EBF3: variants seen among roughly 807,000 people sequenced by gnomAD.
The protein encoded by EBF3 is transcription factor COE3.
In EBF3, 18 loss-of-function variants were observed where a neutral mutation model predicts 77.1. That is an observed-to-expected ratio of 0.23 (90% CI 0.16 to 0.35). The LOEUF (loss-of-function observed/expected upper bound fraction) is 0.35. Ranked by LOEUF, EBF3 falls within the 10% of genes least tolerant of loss-of-function variation. The pLI, the probability that EBF3 is intolerant of heterozygous loss-of-function variation, is 1.00. For synonymous variants in EBF3, 350 were observed against 343.5 expected (o/e 1.02, Z -0.21); for missense variants, 558 against 860.0 (o/e 0.65, Z 4.39).
intron 6 of EBF3, among the ~76,000 whole-genome samples, chr10:129,910,151 T>G (rs1855428134): frequency 6.6e-6 from 1 of 152,202 alleles, no homozygotes; most frequent in Non-Finnish European, 1.5e-5. Flanking sequence ...AGGGGCCATG[T>G]GGGGCAGACA....
In EBF3 at chr10:129,918,317, T is replaced by C. The variant is rs1856031243; in HGVS notation, c.554+38941A>G. On this transcript the variant is annotated intron_variant, in intron 6 of 16. Coordinates refer to ENST00000440978, the MANE Select transcript of EBF3 (RefSeq NM_001375380.1). ...CCAAGACCCCACTTCTGTCTCATTCTCCATGCCCCACACATTTCACTGAAG... is the reference window on the plus strand; with the variant it reads ...CCAAGACCCCACTTCTGTCTCATTCCCCATGCCCCACACATTTCACTGAAG... Among the ~76,000 whole-genome samples, 7 of 152,310 alleles carry C rather than the reference T, an allele frequency of 4.6e-5. No individual in the cohort carries two copies. In the South Asian group the frequency reaches 1.4e-3, roughly 32 times the overall value.
chr10:129,863,463 A>T lies in EBF3; in HGVS notation c.1039+3678T>A, dbSNP rs1218475413. ...AATCTGGTGTTTCTCAGATCACTGT[A>T]AACAGATCATTGAGGCCCTTTGCAA... On this transcript the variant is annotated intron_variant, in intron 10 of 16. Transcript: ENST00000440978. The surrounding 1 kb of genome is among the most constrained non-coding windows in gnomAD (Gnocchi z 4.0). Among the ~76,000 whole-genome samples the T allele has an allele frequency of 1.3e-5, 2 of 152,206 alleles. No homozygotes were observed. Among genetic ancestry groups the T allele is most frequent in the Non-Finnish European group, 2.9e-5 (2 of 68,036 alleles).
In EBF3 at chr10:129,843,453, G is replaced by A; in HGVS notation, c.1129-251C>T. On this transcript the variant is annotated intron_variant, in intron 11 of 16. Coordinates refer to ENST00000440978, the MANE Select transcript of EBF3 (RefSeq NM_001375380.1). ...GCTCCTCCATCCGGTTGGGCTCACA[G>A]AGGTGCACGGACAAGCGGGAGGGCC... The A allele has an allele frequency of 8.9e-6, 4 of 449,010 alleles. No individual in the cohort carries two copies. The Admixed American group carries it at 1.0e-4, about 12-fold the overall frequency. 27.8% of individuals were successfully genotyped at this position (449,010 alleles called of 1,614,324 possible). A position where few individuals can be genotyped will look rare whatever the true frequency, so the allele number is the denominator to read the frequency against.
intron 8 of EBF3, 27 bp downstream of exon 8, chr10:129,873,424 TA>T (rs1362199831): frequency 5.4e-6 from 8 of 1,481,910 alleles, no homozygotes; most frequent in South Asian, 2.8e-5. Flanking sequence ...GCATCGCAAA[TA>T]AAAAAAGACA....
rs148428651 is a variant in EBF3, at chr10:129,935,318, G to T, written c.554+21940C>A. 2.6e-5 allele frequency among the ~76,000 whole-genome samples: 4 copies of T among 152,232 alleles called. No individual in the cohort carries two copies. In the East Asian group the frequency reaches 7.8e-4, roughly 30 times the overall value. ...GGCTTGGATCTGCCCAGTGACTGGC[G>T]GCCTGGGACCAGGGTGGCCCTGCCT... On this transcript the variant is annotated intron_variant, in intron 6 of 16. Transcript: ENST00000440978. This position sits in a 1 kb window ranked among gnomAD's most constrained non-coding sequence, Gnocchi z 4.2.
At chr10:129,905,235 C>A (rs1361687945) in intron 6 of EBF3, among the ~76,000 whole-genome samples, 1 of 152,188 alleles carries the variant, frequency 6.6e-6, no homozygotes, top group Non-Finnish European at 1.5e-5. Flanking sequence ...TGGCCACAAG[C>A]CACAGGTGGC....
intron 11 of EBF3, 138 bp from the exon 12 acceptor site, chr10:129,843,340 G>A (rs761507461): frequency 1.6e-5 from 13 of 816,540 alleles, no homozygotes; most frequent in Middle Eastern, 2.3e-4. Context: ...CGTGCACTTC[G>A]AAGGCAGGCA....
intron 6 of EBF3, among the ~76,000 whole-genome samples, chr10:129,954,424 T>C (rs1858898098): frequency 7.1e-6 from 1 of 140,396 alleles, no homozygotes; most frequent in Non-Finnish European, 1.6e-5. Context: ...CCCCCCCCCT[T>C]TTTTTTTCTC....
chr10:129,934,872 A>T (rs552673925), intron 6 of EBF3, among the ~76,000 whole-genome samples: 17 of 152,240 alleles, frequency 1.1e-4, no homozygotes, highest in African/African-American at 4.1e-4. Context: ...GGCCCTCGGG[A>T]AACTTCTAGA....
chr10:129,850,230 G>C (rs1359504135), intron 10 of EBF3, among the ~76,000 whole-genome samples: 1 of 152,246 alleles, frequency 6.6e-6, no homozygotes, highest in Non-Finnish European at 1.5e-5. Context: ...GATCAGAAAA[G>C]ATAGATGGGC....
chr10:129,943,354 C>T lies in EBF3; in HGVS notation c.554+13904G>A, dbSNP rs1857927013. 6.6e-6 allele frequency among the ~76,000 whole-genome samples: 1 copy of T among 152,196 alleles called. No homozygotes were observed. Among genetic ancestry groups the T allele is most frequent in the South Asian group, 2.1e-4 (1 of 4,826 alleles). ...TGCCCTATCACAAAAAAAATTAATT[C>T]CAGATTGTAGTTATTGTCTTAAGCA... On this transcript the variant is annotated intron_variant, in intron 6 of 16. Transcript: ENST00000440978. The surrounding 1 kb of genome is among the most constrained non-coding windows in gnomAD (Gnocchi z 8.8).
Position 129,848,874 on chromosome 10 carries a change from T to C in EBF3, c.1040-394A>G, listed in dbSNP as rs924580837. Among the ~76,000 whole-genome samples, 1 of 152,230 alleles carries C rather than the reference T, an allele frequency of 6.6e-6. No homozygotes were observed. The highest frequency in any genetic ancestry group is 2.4e-5 in the African/African-American group (1 of 41,464). ...GGCAATTATGACATATGTCCAGCTA[T>C]TGCTAGCCTCAGATTTATCCCTGTG... On this transcript the variant is annotated intron_variant, in intron 10 of 16. Transcript: ENST00000440978. This position sits in a 1 kb window ranked among gnomAD's most constrained non-coding sequence, Gnocchi z 4.4.
intron 6 of EBF3, among the ~76,000 whole-genome samples, chr10:129,939,935 TC>T (rs1857615207): frequency 6.6e-6 from 1 of 152,170 alleles, no homozygotes; most frequent in Admixed American, 6.5e-5. Flanking sequence ...TGCTAGAGGG[TC>T]CCCCATGCCC....
chr10:129,922,420 G>A (rs144915877), intron 6 of EBF3, among the ~76,000 whole-genome samples: 277 of 152,330 alleles, frequency 1.8e-3, no homozygotes, highest in Non-Finnish European at 3.5e-3. Context: ...CGTGCCCCCC[G>A]GCCCTCAGCA....
intron 6 of EBF3, among the ~76,000 whole-genome samples, chr10:129,892,385 T>C (rs868624810): frequency 6.6e-5 from 10 of 152,230 alleles, no homozygotes; most frequent in Admixed American, 5.2e-4. Context: ...ACTGTTGTCA[T>C]TGGAACCATA....
chr10:129,854,459 G>A (rs907496127), intron 10 of EBF3, among the ~76,000 whole-genome samples: 4 of 151,308 alleles, frequency 2.6e-5, no homozygotes, highest in African/African-American at 4.9e-5. Flanking sequence ...TATTTTGTCC[G>A]ACAAAAAAAT....
chr10:129,918,738 A>C (rs1417882203), intron 6 of EBF3, among the ~76,000 whole-genome samples: 1 of 152,208 alleles, frequency 6.6e-6, no homozygotes, highest in Non-Finnish European at 1.5e-5. Context: ...TGCAGGTGTG[A>C]TTTCATGTCT....
At chr10:129,894,380 G>A (rs1482844430) in intron 6 of EBF3, among the ~76,000 whole-genome samples, 3 of 152,208 alleles carry the variant, frequency 2.0e-5, no homozygotes, top group Admixed American at 6.5e-5. Flanking sequence ...TGTCAACCCT[G>A]AGCCTGTCAG....
chr10:129,960,580 C>G (rs770548775), intron 4 of EBF3, among the ~76,000 whole-genome samples: 1 of 149,514 alleles, frequency 6.7e-6, no homozygotes, highest in African/African-American at 2.5e-5. Flanking sequence ...CATAAACTGT[C>G]GGTTCAGCGC....
Sources: gnomAD v4.1 joint callset for allele counts (sites outside exome capture counted in the v4.1 genomes callset) on GRCh38, gnomAD v4.1.1 for gene constraint, Gnocchi (gnomAD v3.1) non-coding constraint, MANE v1.5 for transcripts, NCBI Gene and HGNC (gene_info 2026-07-23, HGNC 2026-07-21) for gene names.